Variants in PDE9A observed in about 807,000 individuals in gnomAD.
PDE9A encodes high affinity cGMP-specific 3',5'-cyclic phosphodiesterase 9A.
PDE9A carries 60 observed loss-of-function variants against 87.4 expected under a neutral mutation model. That is an observed-to-expected ratio of 0.69 (90% CI 0.56 to 0.85). The LOEUF (loss-of-function observed/expected upper bound fraction) is 0.85. Among genes scored for constraint, PDE9A ranks in the 40% least tolerant of loss-of-function variants. PDE9A has a pLI of 0.00. For missense variants in PDE9A, 665 were observed against 779.0 expected, an observed-to-expected ratio of 0.85 and a Z score of 1.74; for synonymous variants, 272 against 279.4, an observed-to-expected ratio of 0.97 and a Z score of 0.27.
chr21:42,709,467 A>T (rs1052269314), intron 4 of PDE9A, among the ~76,000 whole-genome samples: 1 of 152,140 alleles, frequency 6.6e-6, no homozygotes, highest in Non-Finnish European at 1.5e-5. Context: ...ATTAAATTAA[A>T]TTTTTTAAAA....
intron 1 of PDE9A, among the ~76,000 whole-genome samples, chr21:42,670,356 ATC>A (rs1446146634): frequency 7.1e-5 from 9 of 126,898 alleles, no homozygotes; most frequent in African/African-American, 3.4e-4. Flanking sequence ...TTACACACAC[ATC>A]CACACACACA....
chr21:42,657,781 C>T (rs1340015417), intron 1 of PDE9A, among the ~76,000 whole-genome samples: 1 of 152,214 alleles, frequency 6.6e-6, no homozygotes, highest in Non-Finnish European at 1.5e-5. Flanking sequence ...CTCTGTGGTG[C>T]CACTGCCCTG....
chr21:42,656,034 G>A (rs1569086640), intron 1 of PDE9A, among the ~76,000 whole-genome samples: 1 of 152,214 alleles, frequency 6.6e-6, no homozygotes, highest in Non-Finnish European at 1.5e-5. Context: ...GGTTGCACCG[G>A]GCTCAGCTGA....
rs567948767 is a variant in PDE9A, at chr21:42,696,514, C to A, written c.219-2454C>A. Among the ~76,000 whole-genome samples, 2 of 152,150 alleles carry A rather than the reference C, an allele frequency of 1.3e-5. No homozygotes were observed. The highest frequency in any genetic ancestry group is 3.9e-4 in the East Asian group (2 of 5,184). ...TGGCAAAGCCCCTTCCTGCTGCCCA[C>A]GCAGGTCCTGGCTTTCTCTCCACCC... On this transcript the variant is annotated intron_variant, in intron 3 of 19. Transcript: ENST00000291539. The surrounding 1 kb of genome is among the most constrained non-coding windows in gnomAD (Gnocchi z 5.1).
intron 4 of PDE9A, among the ~76,000 whole-genome samples, chr21:42,703,199 G>A (rs1478070157): frequency 6.6e-6 from 1 of 152,248 alleles, no homozygotes; most frequent in Non-Finnish European, 1.5e-5. Flanking sequence ...GGTTGCTGCG[G>A]GTGGGCTTGG....
intron 1 of PDE9A, among the ~76,000 whole-genome samples, chr21:42,663,094 C>G (rs1044288351): frequency 1.3e-5 from 2 of 149,584 alleles, no homozygotes; most frequent in Non-Finnish European, 3.0e-5. Context: ...CACAAGAATG[C>G]ACACCACATA....
At chr21:42,752,986 C>CG (rs2054591250) in intron 9 of PDE9A, among the ~76,000 whole-genome samples, 1 of 151,314 alleles carries the variant, frequency 6.6e-6, no homozygotes. Flanking sequence ...ATTTTACCCC[C>CG]ACACTTCACT....
chr21:42,693,560 G>A (rs1387725267), intron 3 of PDE9A, among the ~76,000 whole-genome samples: 3 of 149,426 alleles, frequency 2.0e-5, no homozygotes, highest in Non-Finnish European at 4.4e-5. Context: ...AGAGTGCTGC[G>A]ATTACAGGCG....
At chr21:42,676,584 T>G (rs2058854831) in intron 1 of PDE9A, among the ~76,000 whole-genome samples, 1 of 152,224 alleles carries the variant, frequency 6.6e-6, no homozygotes. Flanking sequence ...TTGAGATCCA[T>G]CCAAGTGGTT....
chr21:42,670,445 TAC>T lies in PDE9A; in HGVS notation c.70-15743_70-15742del, dbSNP rs537735440. ...GCACTTACAGTCACACATACACTTA[TAC>T]ACAGTCACACAGACTTGCACATAGA... On this transcript the variant is annotated intron_variant, in intron 1 of 19. Coordinates refer to ENST00000291539, the MANE Select transcript of PDE9A (RefSeq NM_002606.3). 2.3e-3 allele frequency among the ~76,000 whole-genome samples: 349 copies of T among 150,642 alleles called. 2 individuals carry two copies. The highest frequency in any genetic ancestry group is 6.9e-3 in the Middle Eastern group (2 of 288).
chr21:42,759,382 C>CGT lies in PDE9A; in HGVS notation c.897+311_897+312dup, dbSNP rs34695329. 0.37 allele frequency among the ~76,000 whole-genome samples: 55,675 copies of CGT among 149,030 alleles called. 10,652 individuals are homozygous for CGT. The highest frequency in any genetic ancestry group is 0.43 in the Non-Finnish European group (29,274 of 67,308). The stretch of plus-strand genomic sequence containing the variant: ...GTCCTAAAGCAGCGGTGTGTGGGAG[C>CGT]GTGTGTGTGTGTGTGGGAGCGTGTG... On this transcript the variant is annotated intron_variant, in intron 11 of 19. Transcript: ENST00000291539. This position sits in a 1 kb window ranked among gnomAD's most constrained non-coding sequence, Gnocchi z 7.2.
At chr21:42,665,229 G>C (rs1407030587) in intron 1 of PDE9A, among the ~76,000 whole-genome samples, 1 of 152,234 alleles carries the variant, frequency 6.6e-6, no homozygotes, top group Non-Finnish European at 1.5e-5. Flanking sequence ...TCCTGGGAAG[G>C]AGCCAGCCCC....
intron 9 of PDE9A, 42 bp from the exon 10 acceptor site, chr21:42,753,948 G>T: frequency 9.2e-7 from 1 of 1,085,488 alleles, no homozygotes; most frequent in Non-Finnish European, 1.4e-6. Context: ...ACTGTCACAG[G>T]CCCACGGCGC....
In PDE9A at chr21:42,775,507, A is replaced by T. The variant is rs1230422133; in HGVS notation, c.*214A>T. ...TTTTAAATAATATATTCTTATACGG[A>T]AATGGGTACTGTACTTCTTCTTTGG... On this transcript the variant is annotated 3_prime_UTR_variant, in exon 20 of 20. Coordinates refer to ENST00000291539, the MANE Select transcript of PDE9A (RefSeq NM_002606.3). The T allele has an allele frequency of 2.0e-6, 1 of 501,880 alleles. No homozygotes were observed. Among genetic ancestry groups the T allele is most frequent in the African/African-American group, 2.0e-5 (1 of 50,030 alleles). The allele number at this position is 501,880 out of a possible 1,614,324, so 31.1% of individuals were successfully genotyped here.
chr21:42,686,719 G>A (rs13046408), intron 2 of PDE9A, among the ~76,000 whole-genome samples: 3,413 of 152,298 alleles, frequency 0.022, 68 homozygotes, highest in Middle Eastern at 0.037. Context: ...GGAGGCTGAG[G>A]CAGGAGAATG....
At chr21:42,666,184 A>AGAAAGGGCGTGGCTGCAGCC (rs1555900442) in intron 1 of PDE9A, among the ~76,000 whole-genome samples, 175 of 152,240 alleles carry the variant, frequency 1.1e-3, no homozygotes, top group African/African-American at 4.0e-3. Flanking sequence ...GTGGTCATCA[A>AGAAAGGGCGTGGCTGCAGCC]GAAAGGGCGT....
chr21:42,655,683 G>A (rs2057007576), intron 1 of PDE9A, among the ~76,000 whole-genome samples: 1 of 152,216 alleles, frequency 6.6e-6, no homozygotes, highest in South Asian at 2.1e-4. Flanking sequence ...ACTGGAATGA[G>A]AAGGGAATGA....
rs3737433 is a variant in PDE9A, at chr21:42,759,265, C to T, written c.897+180C>T. Among the ~76,000 whole-genome samples, 1 of 152,176 alleles carries T rather than the reference C, an allele frequency of 6.6e-6. No homozygotes were observed. Among genetic ancestry groups the T allele is most frequent in the East Asian group, 1.9e-4 (1 of 5,192 alleles). On this transcript the variant is annotated intron_variant, in intron 11 of 19. Coordinates refer to ENST00000291539, the MANE Select transcript of PDE9A (RefSeq NM_002606.3). This position sits in a 1 kb window ranked among gnomAD's most constrained non-coding sequence, Gnocchi z 7.2. ...CAGCCTGTCTCTGTTCCTCCTTCCA[C>T]CAAAACCTTCTTTACGCCCGAGCTA... is the stretch of plus-strand genomic sequence containing the variant.
intron 9 of PDE9A, 140 bp from the exon 10 acceptor site, chr21:42,753,850 A>G (rs1416946959): frequency 1.8e-6 from 1 of 540,650 alleles, no homozygotes; most frequent in Non-Finnish European, 3.2e-6. Context: ...GGCAAGAGTG[A>G]GACTCTATCT....
Sources: allele counts gnomAD v4.1 joint callset (sites outside exome capture counted in the v4.1 genomes callset), GRCh38; gene constraint gnomAD v4.1.1; non-coding constraint Gnocchi (gnomAD v3.1); transcripts MANE v1.5; gene names NCBI Gene and HGNC (gene_info 2026-07-23, HGNC 2026-07-21).